Variants in ASB15 observed in about 807,000 individuals in gnomAD.
ASB15 encodes ankyrin repeat and SOCS box protein 15.
In ASB15, 54 loss-of-function variants were observed where a neutral mutation model predicts 58.0. The ratio of observed to expected loss-of-function variants is 0.93; its 90% CI spans 0.75 to 1.17. ASB15 has a LOEUF of 1.17. Ranked by LOEUF, ASB15 falls within the 50% of genes most tolerant of loss-of-function variation. The pLI, the probability that ASB15 is intolerant of heterozygous loss-of-function variation, is 0.00. For synonymous variants in ASB15, 249 were observed against 262.4 expected (o/e 0.95, Z 0.50); for missense variants, 680 against 707.4 (o/e 0.96, Z 0.44).
At chr7:123,626,961 C>T (rs1801829279) in intron 8 of ASB15, 149 bp from the exon 9 acceptor site, 3 of 723,416 alleles carry the variant, frequency 4.1e-6, no homozygotes. Flanking sequence ...TGATCTCGAA[C>T]TCCTGACCTC....
At chr7:123,591,933 CT>C (rs901661523) in intron 1 of ASB15, among the ~76,000 whole-genome samples, 3 of 151,890 alleles carry the variant, frequency 2.0e-5, no homozygotes, top group African/African-American at 7.3e-5. Context: ...TGGCCCCAGA[CT>C]TTTTTTTGTT....
intron 3 of ASB15, chr7:123,612,334 A>G (rs1370891690): frequency 6.6e-6 from 1 of 152,274 alleles, no homozygotes; most frequent in African/African-American, 2.4e-5. Flanking sequence ...GAGGGAAAAG[A>G]TAGAGAAAAG....
At chr7:123,628,787 T>TA (rs1562939702) in intron 9 of ASB15, 77 bp from the exon 10 acceptor site, 2 of 988,492 alleles carry the variant, frequency 2.0e-6, no homozygotes, top group East Asian at 5.3e-5. Context: ...TGCATTCACT[T>TA]ATCTAGTGAG....
chr7:123,567,305 G>A (rs1798787804), intron 1 of ASB15, among the ~76,000 whole-genome samples: 1 of 152,138 alleles, frequency 6.6e-6, no homozygotes, highest in Admixed American at 6.5e-5. Flanking sequence ...AGTTGCCAGA[G>A]GAGTAAATGT....
upstream of ASB15, among the ~76,000 whole-genome samples, chr7:123,597,522 CTG>C (rs1230769058): frequency 6.6e-6 from 1 of 152,172 alleles, no homozygotes; most frequent in Non-Finnish European, 1.5e-5. Flanking sequence ...GCACTCAGCA[CTG>C]TGAGTCTTAA....
At chr7:123,569,036 G>T (rs375543864) in intron 1 of ASB15, among the ~76,000 whole-genome samples, 3 of 152,236 alleles carry the variant, frequency 2.0e-5, no homozygotes, top group African/African-American at 7.2e-5. Context: ...TTTAAAAACT[G>T]AATAAACTAC....
At chr7:123,619,770 ACCT>A (rs1335202685) in intron 7 of ASB15, among the ~76,000 whole-genome samples, 1 of 151,970 alleles carries the variant, frequency 6.6e-6, no homozygotes, top group Non-Finnish European at 1.5e-5. Context: ...TGATCAGCCC[ACCT>A]CAGCCTCCCA....
At chr7:123,617,465 TTCA>T in intron 6 of ASB15, 111 bp from the exon 7 acceptor site, 2 of 960,934 alleles carry the variant, frequency 2.1e-6, no homozygotes, top group South Asian at 2.8e-5. Flanking sequence ...TCCTTTCATT[TTCA>T]TCAATTGACT....
At chr7:123,573,924 AG>A (rs1400298416) in intron 1 of ASB15, among the ~76,000 whole-genome samples, 1 of 152,146 alleles carries the variant, frequency 6.6e-6, no homozygotes, top group Non-Finnish European at 1.5e-5. Context: ...GGGTCAAGGC[AG>A]GGGACAAAAA....
At position 123,580,206 on chromosome 7, in the gene ASB15, G is replaced by A. The variant is rs535042579; in HGVS notation, c.-443+13118G>A. ...AGGACAAGATGAACAAGAACCCAGC[G>A]AAAGGATGCGTTTTGCCTGTTCAGA... is the stretch of plus-strand genomic sequence containing the variant. On this transcript the variant is annotated intron_variant, in intron 1 of 13. Transcript: ENST00000451558. Among the ~76,000 whole-genome samples, 84 of 152,110 alleles carry A rather than the reference G, an allele frequency of 5.5e-4. No individual in the cohort carries two copies. In the South Asian group the frequency reaches 0.016, roughly 29 times the overall value.
intron 5 of ASB15, 29 bp downstream of exon 5, chr7:123,616,302 T>G: frequency 6.2e-7 from 1 of 1,608,610 alleles, no homozygotes; most frequent in South Asian, 1.1e-5. Flanking sequence ...TACAGTGGGA[T>G]GGACTGGAGA....
At chr7:123,581,298 G>T (rs1252645525) in intron 1 of ASB15, among the ~76,000 whole-genome samples, 1 of 151,002 alleles carries the variant, frequency 6.6e-6, no homozygotes, top group Non-Finnish European at 1.5e-5. Flanking sequence ...AATTCAAAAC[G>T]AGTCTATCAT....
At chr7:123,630,298 A>G (rs749421054) in intron 11 of ASB15, among the ~76,000 whole-genome samples, 179 bp downstream of exon 11, 2 of 152,168 alleles carry the variant, frequency 1.3e-5, no homozygotes. Context: ...ATTTTTCTTT[A>G]TATTTTCCAG....
Position 123,588,619 on chromosome 7 carries a change from G to T in ASB15, c.-442-15413G>T, listed in dbSNP as rs1192226606. ...TCTGTCTTTTTTCTACTAACTTTGGGGTTATTTTGTTTTTCTTTTTCTAGT... is the reference window on the plus strand; with the variant it reads ...TCTGTCTTTTTTCTACTAACTTTGGTGTTATTTTGTTTTTCTTTTTCTAGT... On this transcript the variant is annotated intron_variant, in intron 1 of 13. Coordinates refer to the ASB15 transcript ENST00000451558. Among the ~76,000 whole-genome samples, 4 of 144,174 alleles carry T rather than the reference G, an allele frequency of 2.8e-5. No homozygotes were observed. The East Asian group carries it at 8.1e-4, about 29-fold the overall frequency. 94.6% of individuals were successfully genotyped at this position (144,174 alleles called of 152,430 possible). A position where few individuals can be genotyped will look rare whatever the true frequency, so the allele number is the denominator to read the frequency against.
chr7:123,577,078 AAT>A (rs1202895453), intron 1 of ASB15, among the ~76,000 whole-genome samples: 1 of 152,100 alleles, frequency 6.6e-6, no homozygotes, highest in Non-Finnish European at 1.5e-5. Context: ...TAGTTATAAA[AAT>A]ATCTTTTACA....
In ASB15 at chr7:123,614,340, C is replaced by A. The variant is rs1800658056; in HGVS notation, c.-2-161C>A. ...ATTTAAGTTAATAAAATGGACCTCA[C>A]AAGTAATGTGGATTAAAATGTTACC... is the stretch of plus-strand genomic sequence containing the variant. On this transcript the variant is annotated intron_variant, in intron 3 of 11. Transcript: ENST00000451215. 6 of 561,390 alleles carry A rather than the reference C, an allele frequency of 1.1e-5. No homozygotes were observed. The South Asian group carries it at 1.4e-4, about 13-fold the overall frequency. The allele number at this position is 561,390 out of a possible 1,614,324, so 34.8% of individuals were successfully genotyped here.
intron 1 of ASB15, among the ~76,000 whole-genome samples, chr7:123,593,108 A>G (rs1257535255): frequency 6.7e-6 from 1 of 149,592 alleles, no homozygotes; most frequent in South Asian, 2.1e-4. Context: ...CTTTTTTTTT[A>G]CTTTCCATTT....
At chr7:123,578,758 T>A (rs182278067) in intron 1 of ASB15, among the ~76,000 whole-genome samples, 2 of 152,258 alleles carry the variant, frequency 1.3e-5, no homozygotes, top group East Asian at 3.9e-4. Flanking sequence ...CACCTTCCTC[T>A]TATAGATTCA....
At chr7:123,597,459 T>C (rs1037465059), upstream of ASB15, among the ~76,000 whole-genome samples, 1 of 152,208 alleles carries the variant, frequency 6.6e-6, no homozygotes, top group Non-Finnish European at 1.5e-5. Context: ...TAAGTATCTA[T>C]GTATAGGAAA....
Sources: allele counts gnomAD v4.1 joint callset (sites outside exome capture counted in the v4.1 genomes callset), GRCh38; gene constraint gnomAD v4.1.1; transcripts MANE v1.5; gene names NCBI Gene and HGNC (gene_info 2026-07-23, HGNC 2026-07-21).